The following TWIST2 variants were observed in gnomAD, a reference collection of about 807,000 sequenced individuals.
The protein encoded by TWIST2 is twist family bHLH transcription factor 2, also known as twist-related protein 2.
In TWIST2, 1 loss-of-function variant was observed where a neutral mutation model predicts 11.6. The ratio of observed to expected loss-of-function variants is 0.09; its 90% CI spans 0.03 to 0.41. The LOEUF is 0.41. TWIST2 is among the 10% of genes least tolerant of loss of function. The pLI is 0.98. For synonymous variants in TWIST2, 87 were observed against 96.6 expected (o/e 0.90, Z 0.58); for missense variants, 168 against 226.4 (o/e 0.74, Z 1.66).
At chr2:238,903,447 G>GT (rs1693303798) in intron 1 of TWIST2, among the ~76,000 whole-genome samples, 1 of 143,134 alleles carries the variant, frequency 7.0e-6, no homozygotes, top group African/African-American at 2.6e-5. Context: ...TGTGGGGTGT[G>GT]GGTCTAATGT....
intron 1 of TWIST2, among the ~76,000 whole-genome samples, chr2:238,900,479 ATT>A (rs1693255629): frequency 6.6e-6 from 1 of 152,154 alleles, no homozygotes; most frequent in Non-Finnish European, 1.5e-5. Flanking sequence ...GCACTGGGGG[ATT>A]AGTCCATCAT....
intron 1 of TWIST2, among the ~76,000 whole-genome samples, chr2:238,877,753 T>C (rs147014822): frequency 0.024 from 3,700 of 152,294 alleles, 138 homozygotes; most frequent in African/African-American, 0.084. Flanking sequence ...ATATCATTTC[T>C]TTTACAATTT....
chr2:238,861,127 T>C (rs991944478), intron 1 of TWIST2, among the ~76,000 whole-genome samples: 2 of 152,122 alleles, frequency 1.3e-5, no homozygotes, highest in Non-Finnish European at 2.9e-5. Context: ...GCCTCTTCCT[T>C]AGTTAAGTTG....
At chr2:238,850,271 A>G (rs901880413) in intron 1 of TWIST2, among the ~76,000 whole-genome samples, 2 of 152,238 alleles carry the variant, frequency 1.3e-5, no homozygotes, top group African/African-American at 4.8e-5. Flanking sequence ...AAGTGTCTCA[A>G]TCACATATTT....
intron 1 of TWIST2, among the ~76,000 whole-genome samples, chr2:238,854,803 G>T (rs961171333): frequency 6.6e-6 from 1 of 152,172 alleles, no homozygotes; most frequent in African/African-American, 2.4e-5. Context: ...GAAAGCACAG[G>T]CCAGTCATGT....
At chr2:238,870,124 CCACA>C (rs754441108) in intron 1 of TWIST2, among the ~76,000 whole-genome samples, 1,238 of 78,628 alleles carry the variant, frequency 0.016, 25 homozygotes, top group Middle Eastern at 0.046. Context: ...CATACACCCC[CCACA>C]CACACACCAC....
In TWIST2 at chr2:238,905,848, TGTGTGTGC is replaced by T. The variant is rs1308664207; in HGVS notation, c.*36-3986_*36-3979del. Among the ~76,000 whole-genome samples the T allele has an allele frequency of 3.2e-3, 136 of 42,694 alleles. 2 individuals are homozygous for T. The highest frequency in any genetic ancestry group is 0.015 in the Middle Eastern group (1 of 68). 28.0% of individuals were successfully genotyped at this position (42,694 alleles called of 152,430 possible). A position where few individuals can be genotyped will look rare whatever the true frequency, so the allele number is the denominator to read the frequency against. On this transcript the variant is annotated intron_variant, in intron 1 of 1. Transcript: ENST00000612363. The stretch of plus-strand genomic sequence containing the variant: ...CTCTGAACTTTGAAAAAAGTGTGTG[TGTGTGTGC>T]GTGTGTGTGCGTGCGTGTGTGTGCA...
intron 1 of TWIST2, among the ~76,000 whole-genome samples, chr2:238,870,774 G>C (rs549194387): frequency 8.1e-5 from 1 of 12,364 alleles, no homozygotes; most frequent in African/African-American, 5.3e-4. Flanking sequence ...CACACACACA[G>C]TACACACTAC....
chr2:238,881,261 GTATT>G (rs914295015), intron 1 of TWIST2, among the ~76,000 whole-genome samples: 5 of 139,340 alleles, frequency 3.6e-5, no homozygotes, highest in Admixed American at 7.3e-5. Flanking sequence ...CAGTATTAGT[GTATT>G]TATTAGTGTT....
At chr2:238,875,888 G>C (rs755366547) in intron 1 of TWIST2, among the ~76,000 whole-genome samples, 37 of 152,250 alleles carry the variant, frequency 2.4e-4, no homozygotes, top group Non-Finnish European at 4.3e-4. Context: ...AGAAGATTCT[G>C]ATGCAATAGA....
chr2:238,869,116 C>G (rs148870440), intron 1 of TWIST2, among the ~76,000 whole-genome samples: 5 of 152,152 alleles, frequency 3.3e-5, no homozygotes, highest in Non-Finnish European at 5.9e-5. Flanking sequence ...AGAAAGGCAT[C>G]GACTCCTGCA....
chr2:238,867,231 G>A lies in TWIST2; in HGVS notation c.*35+18498G>A. On this transcript the variant is annotated intron_variant, in intron 1 of 1. Coordinates refer to ENST00000612363, the MANE Select transcript of TWIST2 (RefSeq NM_001271893.4). The surrounding 1 kb of genome is among the most constrained non-coding windows in gnomAD (Gnocchi z 4.8). ...TTTCTTCTGCAGAAGAGAAGGGGTA[G>A]AGGTGGAGAAAGAGGGAGAGGGAGG... Among the ~76,000 whole-genome samples, 1 of 152,140 alleles carries A rather than the reference G, an allele frequency of 6.6e-6. No homozygotes were observed. Among genetic ancestry groups the A allele is most frequent in the Admixed American group, 6.6e-5 (1 of 15,266 alleles).
chr2:238,864,905 G>A lies in TWIST2; in HGVS notation c.*35+16172G>A, dbSNP rs150439160. Among the ~76,000 whole-genome samples the A allele has an allele frequency of 1.2e-3, 187 of 152,304 alleles. 5 individuals are homozygous for A. The East Asian group carries it at 0.031, about 25-fold the overall frequency. On this transcript the variant is annotated intron_variant, in intron 1 of 1. Coordinates refer to ENST00000612363, the MANE Select transcript of TWIST2 (RefSeq NM_001271893.4). The surrounding 1 kb of genome is among the most constrained non-coding windows in gnomAD (Gnocchi z 4.7). ...GGCCTGGAGATCCGCCAGGAGCAGAGAGCTCCGGAAGGCCTGCCGGGAGGA... is the reference window on the plus strand; with the variant it reads ...GGCCTGGAGATCCGCCAGGAGCAGAAAGCTCCGGAAGGCCTGCCGGGAGGA...
chr2:238,862,750 T>C (rs1692456518), intron 1 of TWIST2, among the ~76,000 whole-genome samples: 1 of 152,238 alleles, frequency 6.6e-6, no homozygotes, highest in African/African-American at 2.4e-5. Flanking sequence ...AAGAAATTCA[T>C]ATCAGCTTCA....
chr2:238,902,335 G>T (rs1443888930), intron 1 of TWIST2, among the ~76,000 whole-genome samples: 1 of 150,892 alleles, frequency 6.6e-6, no homozygotes, highest in Admixed American at 6.6e-5. Flanking sequence ...GTGTGGGGGT[G>T]TGTGGTGTTG....
chr2:238,889,936 G>A (rs1693102536), intron 1 of TWIST2, among the ~76,000 whole-genome samples: 1 of 152,232 alleles, frequency 6.6e-6, no homozygotes, highest in Non-Finnish European at 1.5e-5. Flanking sequence ...CGGCTGGCTG[G>A]AGAGAAGAGC....
chr2:238,905,881 ATG>A (rs1693336160), intron 1 of TWIST2, among the ~76,000 whole-genome samples: 1 of 142,240 alleles, frequency 7.0e-6, no homozygotes, highest in Non-Finnish European at 1.5e-5. Flanking sequence ...GTGTGTGTGC[ATG>A]TGCGCGCATG....
At chr2:238,892,296 A>C (rs1269457460) in intron 1 of TWIST2, among the ~76,000 whole-genome samples, 2 of 152,160 alleles carry the variant, frequency 1.3e-5, no homozygotes, top group East Asian at 3.9e-4. Context: ...CGGCACGAGG[A>C]GGGGGCCCTG....
chr2:238,871,012 C>A (rs1381801693), intron 1 of TWIST2, among the ~76,000 whole-genome samples: 1 of 1,766 alleles, frequency 5.7e-4, no homozygotes, highest in Non-Finnish European at 1.1e-3. Flanking sequence ...TGACACACAC[C>A]ACACACACAG....
Sources: allele counts gnomAD v4.1 joint callset (sites outside exome capture counted in the v4.1 genomes callset), GRCh38; gene constraint gnomAD v4.1.1; non-coding constraint Gnocchi (gnomAD v3.1); transcripts MANE v1.5; gene names NCBI Gene and HGNC (gene_info 2026-07-23, HGNC 2026-07-21).